Variants in OSBPL10 observed in about 807,000 individuals in gnomAD.
The protein encoded by OSBPL10 is oxysterol binding protein like 10.
In OSBPL10, 49 loss-of-function variants were observed where a neutral mutation model predicts 81.7. The ratio of observed to expected loss-of-function variants is 0.60; its 90% CI spans 0.48 to 0.76. The LOEUF (loss-of-function observed/expected upper bound fraction) is 0.76. Ranked by LOEUF, OSBPL10 falls within the 30% of genes least tolerant of loss-of-function variation. The pLI, the probability that OSBPL10 is intolerant of heterozygous loss-of-function variation, is 0.00. For synonymous variants in OSBPL10, 419 were observed against 383.6 expected (o/e 1.09, Z -1.08); for missense variants, 923 against 987.8 (o/e 0.93, Z 0.88).
intron 4 of OSBPL10, among the ~76,000 whole-genome samples, chr3:31,810,419 G>A (rs1209576915): frequency 2.0e-5 from 3 of 151,250 alleles, no homozygotes; most frequent in South Asian, 4.2e-4. Flanking sequence ...ATCTTAGAGT[G>A]AAAAAAATGT....
At chr3:31,918,980 C>A (rs934799144) in intron 1 of OSBPL10, among the ~76,000 whole-genome samples, 1 of 152,214 alleles carries the variant, frequency 6.6e-6, no homozygotes, top group East Asian at 1.9e-4. Context: ...GAGGCACTCA[C>A]AGCCTGGATC....
In OSBPL10 at chr3:31,926,880, C is replaced by T. The variant is rs1475403071; in HGVS notation, c.282-47050G>A. On this transcript the variant is annotated intron_variant, in intron 1 of 11. Coordinates refer to ENST00000396556, the MANE Select transcript of OSBPL10 (RefSeq NM_017784.5). ...ATCCCAACCCTTTGAGAGGCTGAGG[C>T]AGGTGGATCACTTGAAGTCAGGAGT... 2.6e-5 allele frequency among the ~76,000 whole-genome samples: 4 copies of T among 152,278 alleles called. No homozygotes were observed. In the East Asian group the frequency reaches 7.7e-4, roughly 29 times the overall value.
At chr3:31,892,684 G>C (rs1270883686) in intron 1 of OSBPL10, among the ~76,000 whole-genome samples, 1 of 152,182 alleles carries the variant, frequency 6.6e-6, no homozygotes, top group African/African-American at 2.4e-5. Context: ...TAGTTCGACT[G>C]GGGCAGCAGG....
chr3:32,030,412 G>A, intron 2 of OSBPL10: 1 of 654,660 alleles, frequency 1.5e-6, no homozygotes. Context: ...GCATGCTGCT[G>A]GCATTGTGGT....
At chr3:31,992,030 C>T (rs13087617) in intron 2 of OSBPL10, among the ~76,000 whole-genome samples, 24,713 of 151,664 alleles carry the variant, frequency 0.16, 2,243 homozygotes, top group South Asian at 0.32. Context: ...CCAGTAGTCC[C>T]AGCTACTGGG....
intron 4 of OSBPL10, among the ~76,000 whole-genome samples, chr3:31,823,417 G>A (rs1273073662): frequency 6.6e-6 from 1 of 152,164 alleles, no homozygotes; most frequent in Non-Finnish European, 1.5e-5. Context: ...ACTACCTGCA[G>A]AATGAAGGTA....
chr3:31,710,994 A>G (rs1266598495), intron 6 of OSBPL10: 1 of 152,276 alleles, frequency 6.6e-6, no homozygotes, highest in East Asian at 1.9e-4. Flanking sequence ...ATATGGTCTC[A>G]GCATTCAACA....
In OSBPL10 at chr3:32,033,355, A is replaced by G. The variant is rs149180134; in HGVS notation, n.298+13136T>C. On this transcript the variant is annotated intron_variant and non_coding_transcript_variant, in intron 2 of 3. Coordinates refer to the OSBPL10 transcript ENST00000479173. ...TCCTGTGGAATTTAAAATCTGACAA[A>G]CCACGGATGCCAGTCCTAAGATTAG... Among the ~76,000 whole-genome samples the G allele has an allele frequency of 3.8e-4, 58 of 152,324 alleles. No homozygotes were observed. In the East Asian group the frequency reaches 6.4e-3, roughly 17 times the overall value.
intron 3 of OSBPL10, among the ~76,000 whole-genome samples, chr3:31,834,907 G>A (rs552927478): frequency 6.6e-6 from 1 of 152,192 alleles, no homozygotes; most frequent in East Asian, 1.9e-4. Flanking sequence ...AGAAAATGTA[G>A]GTGTCTTCCA....
At chr3:31,706,423 G>A (rs1193869333) in intron 6 of OSBPL10, among the ~76,000 whole-genome samples, 1 of 152,136 alleles carries the variant, frequency 6.6e-6, no homozygotes, top group Non-Finnish European at 1.5e-5. Context: ...AGCCTCTTGA[G>A]GACCAAAGGC....
At chr3:31,762,224 A>C (rs562143262) in intron 4 of OSBPL10, among the ~76,000 whole-genome samples, 2 of 152,280 alleles carry the variant, frequency 1.3e-5, no homozygotes, top group South Asian at 2.1e-4. Flanking sequence ...TAGCTCAAGG[A>C]AAAAAGCACA....
chr3:31,812,542 A>T (rs1282958846), intron 4 of OSBPL10, among the ~76,000 whole-genome samples: 6 of 152,090 alleles, frequency 3.9e-5, no homozygotes, highest in Non-Finnish European at 7.3e-5. Context: ...GTAATTATGA[A>T]GTATTGTCGC....
At chr3:31,857,097 C>T (rs1024882512) in intron 3 of OSBPL10, among the ~76,000 whole-genome samples, 1 of 152,144 alleles carries the variant, frequency 6.6e-6, no homozygotes, top group African/African-American at 2.4e-5. Context: ...CCCTCTTCAA[C>T]CTCCAGTGGC....
At chr3:31,938,192 TTTC>T (rs1251531953) in intron 1 of OSBPL10, among the ~76,000 whole-genome samples, 7 of 152,074 alleles carry the variant, frequency 4.6e-5, no homozygotes, top group Non-Finnish European at 7.4e-5. Context: ...GCACCTCTAT[TTTC>T]TTCTTCTCTG....
intron 7 of OSBPL10, among the ~76,000 whole-genome samples, chr3:31,692,775 G>A (rs995866300): frequency 6.6e-6 from 1 of 152,242 alleles, no homozygotes; most frequent in Admixed American, 6.5e-5. Flanking sequence ...TGCCCAGAGA[G>A]GTTTTGCAAT....
intron 3 of OSBPL10, among the ~76,000 whole-genome samples, chr3:31,852,719 C>T (rs1266464889): frequency 1.3e-5 from 2 of 152,040 alleles, no homozygotes; most frequent in African/African-American, 4.8e-5. Context: ...AGTGAGACTA[C>T]AGGCACACGC....
In OSBPL10 at chr3:31,939,905, G is replaced by A. The variant is rs150152861; in HGVS notation, c.281+40994C>T. ...CATGCTACCACACCTGGCTAATAGA[G>A]GGACGAGGTCTCACCATGTTGTTCA... is the stretch of plus-strand genomic sequence containing the variant. On this transcript the variant is annotated intron_variant, in intron 1 of 11. Coordinates refer to ENST00000396556, the MANE Select transcript of OSBPL10 (RefSeq NM_017784.5). 1.5e-3 allele frequency among the ~76,000 whole-genome samples: 234 copies of A among 152,138 alleles called. 1 individual carries two copies. Among genetic ancestry groups the A allele is most frequent in the Middle Eastern group, 0.014 (4 of 294 alleles).
At chr3:32,053,793 G>T (rs1699686976) in intron 1 of OSBPL10, among the ~76,000 whole-genome samples, 1 of 152,128 alleles carries the variant, frequency 6.6e-6, no homozygotes, top group Non-Finnish European at 1.5e-5. Context: ...GGCCAACATG[G>T]TGAAACCCTA....
intron 1 of OSBPL10, among the ~76,000 whole-genome samples, chr3:31,935,109 T>C (rs868774382): frequency 3.9e-5 from 6 of 152,200 alleles, no homozygotes; most frequent in Middle Eastern, 3.2e-3. Flanking sequence ...AGATCCTGTT[T>C]ATCAAGAAAC....
Sources: gnomAD v4.1 joint callset for allele counts (sites outside exome capture counted in the v4.1 genomes callset) on GRCh38, gnomAD v4.1.1 for gene constraint, MANE v1.5 for transcripts, NCBI Gene and HGNC (gene_info 2026-07-23, HGNC 2026-07-21) for gene names.